The following FRMD3 variants were observed in gnomAD, a reference collection of about 807,000 sequenced individuals.
FRMD3 encodes the protein FERM domain containing 3.
In FRMD3, 33 loss-of-function variants were observed where a neutral mutation model predicts 70.2. That is an observed-to-expected ratio of 0.47 (90% CI 0.36 to 0.63). The LOEUF (loss-of-function observed/expected upper bound fraction) is 0.63, where lower values mean the gene tolerates loss of function less well. Among genes scored for constraint, FRMD3 ranks in the 20% least tolerant of loss-of-function variants. FRMD3 has a pLI of 0.00. For synonymous variants in FRMD3, 279 were observed against 255.9 expected, an observed-to-expected ratio of 1.09 and a Z score of -0.86; for missense variants, 632 against 711.4, an observed-to-expected ratio of 0.89 and a Z score of 1.27.
At chr9:83,390,521 C>T (rs1177595526) in intron 1 of FRMD3, among the ~76,000 whole-genome samples, 1 of 152,148 alleles carries the variant, frequency 6.6e-6, no homozygotes, top group East Asian at 1.9e-4. Context: ...GCCTGTGTGA[C>T]CTTGGGTAAA....
chr9:83,267,282 A>C, intron 13 of FRMD3: 1 of 1,481,220 alleles, frequency 6.8e-7, no homozygotes, highest in Non-Finnish European at 9.0e-7. Context: ...CAACAGAAAT[A>C]ACTCATGAGG....
chr9:83,252,658 A>G lies in FRMD3; in HGVS notation c.1196-4142T>C, dbSNP rs1033022442. Among the ~76,000 whole-genome samples, 6 of 152,338 alleles carry G rather than the reference A, an allele frequency of 3.9e-5. No individual in the cohort carries two copies. In the East Asian group the frequency reaches 1.2e-3, roughly 29 times the overall value. On this transcript the variant is annotated intron_variant, in intron 13 of 13. Coordinates refer to ENST00000304195, the MANE Select transcript of FRMD3 (RefSeq NM_174938.6). Reference sequence around the variant, plus strand: ...GCAAAGACACACATAGGCTCAAAATAAAGGGATGAAGGAAAATGTACCAAG... The same window carrying G: ...GCAAAGACACACATAGGCTCAAAATGAAGGGATGAAGGAAAATGTACCAAG...
the FRMD3 span, among the ~76,000 whole-genome samples, chr9:83,553,962 G>T: frequency 6.6e-6 from 1 of 152,132 alleles, no homozygotes; most frequent in Non-Finnish European, 1.5e-5. Context: ...TTCTTGCATC[G>T]GTTCTTTCTC....
chr9:83,519,361 C>T (rs539899471), intron 1 of FRMD3, among the ~76,000 whole-genome samples: 108 of 152,216 alleles, frequency 7.1e-4, no homozygotes, highest in Middle Eastern at 3.4e-3. Flanking sequence ...CAAAAGAAGA[C>T]ATTTATGCGG....
intron 2 of FRMD3, among the ~76,000 whole-genome samples, chr9:83,389,395 T>G (rs933300951): frequency 3.4e-4 from 51 of 152,124 alleles, no homozygotes; most frequent in African/African-American, 1.2e-3. Flanking sequence ...GGGAGCAGCC[T>G]TCTGGAAAGG....
At chr9:83,520,760 C>T (rs1026820340) in intron 1 of FRMD3, among the ~76,000 whole-genome samples, 2 of 152,204 alleles carry the variant, frequency 1.3e-5, no homozygotes, top group East Asian at 3.9e-4. Context: ...GGAATTTCTG[C>T]AATTGCTTAC....
intron 1 of FRMD3, among the ~76,000 whole-genome samples, chr9:83,459,634 C>T (rs1020782646): frequency 5.3e-5 from 8 of 152,180 alleles, no homozygotes; most frequent in Non-Finnish European, 8.8e-5. Context: ...TGATGGCAAA[C>T]GCTGCCCTGG....
chr9:83,384,003 C>G (rs949642371), intron 2 of FRMD3, among the ~76,000 whole-genome samples: 5 of 152,166 alleles, frequency 3.3e-5, no homozygotes, highest in African/African-American at 1.2e-4. Flanking sequence ...AGTGTTCATA[C>G]CTTGAGCCAC....
chr9:83,256,587 A>C (rs1832718953), intron 13 of FRMD3, among the ~76,000 whole-genome samples: 1 of 152,212 alleles, frequency 6.6e-6, no homozygotes, highest in African/African-American at 2.4e-5. Context: ...AACCTAAAAA[A>C]TGGGAGAAAA....
At chr9:83,481,722 A>G (rs1475270437) in intron 1 of FRMD3, among the ~76,000 whole-genome samples, 2 of 152,314 alleles carry the variant, frequency 1.3e-5, no homozygotes, top group South Asian at 2.1e-4. Context: ...TAACATGGAA[A>G]AGAGGGGTCA....
intron 1 of FRMD3, among the ~76,000 whole-genome samples, chr9:83,445,553 C>T (rs902804292): frequency 2.6e-5 from 4 of 152,162 alleles, no homozygotes; most frequent in African/African-American, 9.7e-5. Context: ...CTGGCTTTCT[C>T]CTATTCTTAG....
chr9:83,347,989 A>G (rs751817646), intron 4 of FRMD3, among the ~76,000 whole-genome samples: 2 of 152,172 alleles, frequency 1.3e-5, no homozygotes, highest in Non-Finnish European at 2.9e-5. Flanking sequence ...AGCAAATACA[A>G]CTGAGAGGGG....
intron 1 of FRMD3, among the ~76,000 whole-genome samples, chr9:83,443,835 A>G (rs1462115678): frequency 6.6e-6 from 1 of 152,160 alleles, no homozygotes; most frequent in African/African-American, 2.4e-5. Flanking sequence ...TCGCCATTCC[A>G]ACTGGTGTGA....
intron 1 of FRMD3, among the ~76,000 whole-genome samples, chr9:83,449,281 C>T (rs1216816412): frequency 2.6e-5 from 4 of 152,288 alleles, no homozygotes; most frequent in Middle Eastern, 3.4e-3. Flanking sequence ...ACAGAACTCA[C>T]GAACAGCTCT....
At chr9:83,461,338 T>C (rs916575413) in intron 1 of FRMD3, among the ~76,000 whole-genome samples, 1 of 152,132 alleles carries the variant, frequency 6.6e-6, no homozygotes, top group African/African-American at 2.4e-5. Context: ...CCCTAGAGCT[T>C]CCAGAAGGAA....
chr9:83,512,588 T>C (rs1457790998), intron 1 of FRMD3, among the ~76,000 whole-genome samples: 1 of 152,176 alleles, frequency 6.6e-6, no homozygotes, highest in East Asian at 1.9e-4. Context: ...ACTACTGTGG[T>C]AGCATATACC....
chr9:83,483,542 C>T (rs1034553348), intron 1 of FRMD3, among the ~76,000 whole-genome samples: 1 of 152,138 alleles, frequency 6.6e-6, no homozygotes, highest in Non-Finnish European at 1.5e-5. Context: ...TGGATTATAA[C>T]GTCTGAAACT....
rs185627153 is a variant in FRMD3 at position 83,379,419 on chromosome 9, T to C, written c.253-6464A>G. On this transcript the variant is annotated intron_variant, in intron 2 of 13. Coordinates refer to ENST00000304195, the MANE Select transcript of FRMD3 (RefSeq NM_174938.6). ...TTAAGTCTTTTTCCTTACTGGAAAC[T>C]GAGTTTCCCTAAGAAAGGCAAAAAG... Among the ~76,000 whole-genome samples, 260 of 152,324 alleles carry C rather than the reference T, an allele frequency of 1.7e-3. 1 individual carries two copies. The highest frequency in any genetic ancestry group is 3.1e-3 in the Non-Finnish European group (214 of 68,024).
At chr9:83,443,710 C>A (rs530877468) in intron 1 of FRMD3, among the ~76,000 whole-genome samples, 5 of 152,296 alleles carry the variant, frequency 3.3e-5, no homozygotes, top group South Asian at 4.1e-4. Context: ...CTCGAGGAAT[C>A]GCCACACTGT....
Sources: gnomAD v4.1 joint callset for allele counts (sites outside exome capture counted in the v4.1 genomes callset) on GRCh38, gnomAD v4.1.1 for gene constraint, MANE v1.5 for transcripts, NCBI Gene and HGNC (gene_info 2026-07-23, HGNC 2026-07-21) for gene names.